The following KCNT1 variants were observed in gnomAD, a reference collection of about 807,000 sequenced individuals.
The protein encoded by KCNT1 is potassium sodium-activated channel subfamily T member 1.
A neutral mutation model predicts 147.8 loss-of-function variants in KCNT1; 78 were observed. That is an observed-to-expected ratio of 0.53 (90% CI 0.44 to 0.64). The LOEUF (loss-of-function observed/expected upper bound fraction) is 0.64. Ranked by LOEUF, KCNT1 falls within the 30% of genes least tolerant of loss-of-function variation. KCNT1 has a pLI of 0.00. For synonymous variants in KCNT1, 867 were observed against 748.8 expected (o/e 1.16, Z -2.58); for missense variants, 1,419 against 1,750.3 (o/e 0.81, Z 3.38).
At position 135,756,927 on chromosome 9, in the gene KCNT1, T is replaced by C; in HGVS notation, c.595T>C (p.Tyr199His). The C allele has an allele frequency of 6.2e-7, 1 of 1,612,546 alleles. No individual in the cohort carries two copies. The highest frequency in any genetic ancestry group is 8.5e-7 in the Non-Finnish European group (1 of 1,179,844). Residue 199 changes from tyrosine to histidine, a missense_variant, in exon 7 of 31, where the codon TAC (tyrosine) becomes CAC (histidine). Coordinates refer to ENST00000371757, the MANE Select transcript of KCNT1 (RefSeq NM_020822.3). ...GACGATGCTTCTCATCTACCTCAGC[T>C]ACAAAGTGAGTGCCTGCCCGGGATG... ...LETMLLIYLS[Y>H]KGNIWEQIFR...
intron 2 of KCNT1, among the ~76,000 whole-genome samples, chr9:135,727,065 G>C (rs111063919): frequency 0.24 from 360 of 1,472 alleles, 12 homozygotes; most frequent in Middle Eastern, 0.5. Flanking sequence ...CTCTCCCTCT[G>C]TTTCCCATTC....
rs754670800 is a variant in KCNT1 at position 135,768,924 on chromosome 9, C to T, written c.1497C>T (p.His499=). The change falls in exon 15 of 31, where the codon CAC becomes CAT. Residue 499 remains histidine, a synonymous_variant. Transcript: ENST00000371757. ...VQILKPENKF[H]VKFADHVVCE... ...TCCTCAAACCTGAAAACAAGTTTCA[C>T]GTCAAGTTTGCTGGTGCGTCTGGGG... 65 of 1,612,778 alleles carry T rather than the reference C, an allele frequency of 4.0e-5. No homozygotes were observed. The Middle Eastern group carries it at 4.9e-4, about 12-fold the overall frequency.
chr9:135,753,899 A>T (rs1831334138), intron 4 of KCNT1, 38 bp from the exon 5 acceptor site: 1 of 1,612,400 alleles, frequency 6.2e-7, no homozygotes, highest in Non-Finnish European at 8.5e-7. Context: ...GTGGTGCTAG[A>T]GGGGCCAGGG....
chr9:135,753,435 G>A (rs1200207871), intron 4 of KCNT1, among the ~76,000 whole-genome samples: 1 of 152,160 alleles, frequency 6.6e-6, no homozygotes, highest in Non-Finnish European at 1.5e-5. Flanking sequence ...GTCCTCAGAA[G>A]CAGCTTAGGG....
Position 135,759,747 on chromosome 9 carries a change from G to T in KCNT1, c.923G>T (p.Cys308Phe). Residue 308 changes from cysteine to phenylalanine, a missense_variant, in exon 11 of 31, where the codon TGC becomes TTC. Cys to Phe is a radical substitution (Grantham distance 205). Around this residue, in one of 5 missense-constraint regions of KCNT1, gnomAD observed 401 missense variants for 610.6 expected, o/e 0.66. Transcript: ENST00000371757. ...TCCCTCCTGACCTCCTTCTACTTCTGCATCGTCACCTTCTCCACCGTGGGC... is the reference window on the plus strand; with the variant it reads ...TCCCTCCTGACCTCCTTCTACTTCTTCATCGTCACCTTCTCCACCGTGGGC... Reference protein sequence around the residue: ...NLSLLTSFYFCIVTFSTVGYG... With the variant: ...NLSLLTSFYFFIVTFSTVGYG... The T allele has an allele frequency of 6.2e-7, 1 of 1,613,572 alleles. No homozygotes were observed. Among genetic ancestry groups the T allele is most frequent in the Non-Finnish European group, 8.5e-7 (1 of 1,179,836 alleles).
intron 2 of KCNT1, chr9:135,742,859 C>G: frequency 1.4e-6 from 1 of 716,352 alleles, no homozygotes; most frequent in Non-Finnish European, 2.6e-6. Context: ...CAGACAAGGG[C>G]TCTTAGAGGT....
At chr9:135,716,745 G>A (rs527006) in intron 2 of KCNT1, among the ~76,000 whole-genome samples, 39,573 of 152,092 alleles carry the variant, frequency 0.26, 5,713 homozygotes, top group East Asian at 0.5. Context: ...TAGCTAGTGC[G>A]TGGCTGTGGG....
At chr9:135,740,979 C>T (rs1830540540) in intron 2 of KCNT1, among the ~76,000 whole-genome samples, 1 of 151,882 alleles carries the variant, frequency 6.6e-6, no homozygotes, top group Non-Finnish European at 1.5e-5. Context: ...TTGCACAGAG[C>T]TCCAGTCCTC....
intron 1 of KCNT1, among the ~76,000 whole-genome samples, chr9:135,708,487 T>C (rs1248097613): frequency 6.6e-6 from 1 of 152,208 alleles, no homozygotes; most frequent in Non-Finnish European, 1.5e-5. Context: ...TTGAACTGAG[T>C]GTGAACAAGA....
Position 135,786,333 on chromosome 9 carries a change from TA to T in KCNT1, c.3315del (p.Arg1106GlyfsTer11). 1 of 1,595,618 alleles carries T rather than the reference TA, an allele frequency of 6.3e-7. No homozygotes were observed. The highest frequency in any genetic ancestry group is 8.5e-7 in the Non-Finnish European group (1 of 1,172,612). ...GGGDPAEHPL[L>X]RRKSLQWARR... ...GGTGACCCCGCAGAGCACCCACTGCTACGGCGCAAGAGCCTGCAGTGGGCCC... is the reference window on the plus strand; with the variant it reads ...GGTGACCCCGCAGAGCACCCACTGCTCGGCGCAAGAGCCTGCAGTGGGCCC... On this transcript the variant is annotated frameshift_variant, in exon 29 of 31. Coordinates refer to ENST00000371757, the MANE Select transcript of KCNT1 (RefSeq NM_020822.3). LOFTEE classifies it high-confidence loss of function.
At chr9:135,788,323 A>G (rs991588806) in intron 29 of KCNT1, among the ~76,000 whole-genome samples, 10 of 152,344 alleles carry the variant, frequency 6.6e-5, no homozygotes, top group South Asian at 4.1e-4. Flanking sequence ...AAGGCCTCGC[A>G]TGCCGACAGA....
intron 28 of KCNT1, 65 bp from the exon 29 acceptor site, chr9:135,786,132 C>T: frequency 6.8e-7 from 1 of 1,476,914 alleles, no homozygotes; most frequent in South Asian, 1.2e-5. Context: ...AGCCCCTGCC[C>T]CAAAGCCCGC....
At chr9:135,772,633 CTG>C (rs1211139863) in intron 18 of KCNT1, 80 bp from the exon 19 acceptor site, 6 of 1,043,932 alleles carry the variant, frequency 5.7e-6, no homozygotes, top group Admixed American at 3.9e-5. Flanking sequence ...CCAGAGCTGA[CTG>C]TGTTCACCTG....
chr9:135,724,986 C>T (rs778834407), intron 2 of KCNT1, among the ~76,000 whole-genome samples: 9 of 152,234 alleles, frequency 5.9e-5, no homozygotes, highest in Non-Finnish European at 1.2e-4. Context: ...CCCATGTGAT[C>T]CTGAGGGTAA....
intron 2 of KCNT1, among the ~76,000 whole-genome samples, chr9:135,727,346 CCT>C (rs1261120867): frequency 8.9e-6 from 1 of 111,834 alleles, no homozygotes; most frequent in African/African-American, 3.5e-5. Flanking sequence ...CCTCTTTCTC[CCT>C]CTTTCCCATT....
intron 3 of KCNT1, chr9:135,750,663 C>T: frequency 9.1e-6 from 5 of 551,866 alleles, no homozygotes; most frequent in Non-Finnish European, 1.6e-5. Context: ...TCCCCAATCC[C>T]TATCCTGTCC....
In KCNT1 at chr9:135,742,814, G is replaced by A. The variant is rs1020970359; in HGVS notation, c.255-7284G>A. On this transcript the variant is annotated intron_variant, in intron 2 of 30. Transcript: ENST00000371757. ...TCAGCCTGGACTCCTCCCTGTCTCAGTAAGTGCTTTGCAAGGGAGGAACTG... is the reference window on the plus strand; with the variant it reads ...TCAGCCTGGACTCCTCCCTGTCTCAATAAGTGCTTTGCAAGGGAGGAACTG... The A allele has an allele frequency of 3.8e-5, 27 of 717,128 alleles. No individual in the cohort carries two copies. The African/African-American group carries it at 4.0e-4, about 11-fold the overall frequency. The allele number at this position is 717,128 out of a possible 1,614,324, so 44.4% of individuals were successfully genotyped here.
intron 1 of KCNT1, chr9:135,702,937 C>G (rs1835094515): frequency 6.5e-6 from 1 of 153,996 alleles, no homozygotes; most frequent in African/African-American, 2.4e-5. Flanking sequence ...CTGGCCTATC[C>G]CTGGGAGGAG....
At position 135,765,042 on chromosome 9, in the gene KCNT1, C is replaced by T. The variant is rs370414453; in HGVS notation, c.1047C>T (p.Leu349=). ...LVVLPLQFEE[L]VYLWMERQKS... Reference sequence around the variant, plus strand: ...TTTCTCACCTGCAGTTCGAGGAGCTCGTCTACCTCTGGATGGAGCGGCAGA... The same window carrying T: ...TTTCTCACCTGCAGTTCGAGGAGCTTGTCTACCTCTGGATGGAGCGGCAGA... Residue 349 remains leucine, a synonymous_variant, in exon 12 of 31, where the codon CTC becomes CTT. Coordinates refer to ENST00000371757, the MANE Select transcript of KCNT1 (RefSeq NM_020822.3). The T allele has an allele frequency of 2.6e-5, 42 of 1,607,502 alleles. No homozygotes were observed. The highest frequency in any genetic ancestry group is 1.1e-4 in the South Asian group (10 of 90,986).
Sources: allele counts gnomAD v4.1 joint callset (sites outside exome capture counted in the v4.1 genomes callset), GRCh38; gene constraint gnomAD v4.1.1; regional missense constraint gnomAD v4.1.1; transcripts MANE v1.5; gene names NCBI Gene and HGNC (gene_info 2026-07-23, HGNC 2026-07-21).